The following PRKAR2A variants were observed in gnomAD, a reference collection of about 807,000 sequenced individuals.
PRKAR2A encodes the protein cAMP-dependent protein kinase type II-alpha regulatory subunit.
In PRKAR2A, 29 loss-of-function variants were observed where a neutral mutation model predicts 51.9. The observed-to-expected ratio is 0.56, with a 90% CI of 0.42 to 0.76. PRKAR2A has a LOEUF of 0.76. Among genes scored for constraint, PRKAR2A ranks in the 30% least tolerant of loss-of-function variants. PRKAR2A has a pLI of 0.00. For missense variants in PRKAR2A, 445 were observed against 512.1 expected (o/e 0.87, Z 1.26); for synonymous variants, 178 against 186.2 (o/e 0.96, Z 0.36).
intron 1 of PRKAR2A, among the ~76,000 whole-genome samples, chr3:48,821,018 C>T (rs1385916683): frequency 6.6e-6 from 1 of 152,202 alleles, no homozygotes; most frequent in African/African-American, 2.4e-5. Context: ...CCATGACCAT[C>T]TCCAATCACA....
chr3:48,788,181 C>T (rs1023874610), intron 4 of PRKAR2A, among the ~76,000 whole-genome samples: 2 of 152,106 alleles, frequency 1.3e-5, no homozygotes, highest in African/African-American at 4.8e-5. Flanking sequence ...CAGGTGCGCG[C>T]CACCACGCCC....
At chr3:48,782,899 G>A (rs2082223749) in intron 5 of PRKAR2A, 87 bp downstream of exon 5, 2 of 980,406 alleles carry the variant, frequency 2.0e-6, no homozygotes, top group Admixed American at 1.9e-5. Flanking sequence ...GCCTCTCTGG[G>A]CTGAATACAG....
intron 6 of PRKAR2A, among the ~76,000 whole-genome samples, 168 bp from the exon 7 acceptor site, chr3:48,765,517 C>G (rs2081928159): frequency 6.6e-6 from 1 of 152,000 alleles, no homozygotes; most frequent in Non-Finnish European, 1.5e-5. Flanking sequence ...GGACCTATAG[C>G]CTGAGCCAGC....
chr3:48,823,115 A>C (rs1237085453), intron 1 of PRKAR2A, among the ~76,000 whole-genome samples: 1 of 151,878 alleles, frequency 6.6e-6, no homozygotes, highest in Non-Finnish European at 1.5e-5. Flanking sequence ...CATGTTGTCC[A>C]GGCTGGTCTT....
intron 2 of PRKAR2A, among the ~76,000 whole-genome samples, chr3:48,799,063 T>C (rs2082543299): frequency 6.6e-6 from 1 of 152,210 alleles, no homozygotes; most frequent in Non-Finnish European, 1.5e-5. Flanking sequence ...TTACTTCCTT[T>C]ATTTTCTAGG....
At chr3:48,811,605 G>C (rs757163676) in intron 1 of PRKAR2A, among the ~76,000 whole-genome samples, 10 of 152,106 alleles carry the variant, frequency 6.6e-5, no homozygotes, top group Non-Finnish European at 1.3e-4. Context: ...ATCCAGAATA[G>C]TTAACCCATA....
intron 5 of PRKAR2A, among the ~76,000 whole-genome samples, chr3:48,778,601 C>T (rs2082140947): frequency 6.6e-6 from 1 of 152,112 alleles, no homozygotes; most frequent in Non-Finnish European, 1.5e-5. Flanking sequence ...CTCACTGCAA[C>T]CTCTGCCTCC....
In PRKAR2A at chr3:48,843,992, T is replaced by G. The variant is rs35838774; in HGVS notation, c.262+3343A>C. On this transcript the variant is annotated intron_variant, in intron 1 of 10. Transcript: ENST00000265563. ...AAAGCCAAAATTGACAAATGGGATC[T>G]AATTAAACTAAAGAGCTTCTGCACA... Among the ~76,000 whole-genome samples the G allele has an allele frequency of 2.9e-4, 43 of 149,316 alleles. No homozygotes were observed. The South Asian group carries it at 6.2e-3, about 22-fold the overall frequency.
intron 1 of PRKAR2A, among the ~76,000 whole-genome samples, chr3:48,810,178 T>C (rs959598178): frequency 6.6e-6 from 1 of 152,002 alleles, no homozygotes. Flanking sequence ...ACAATTCCAG[T>C]TCTAGGAATA....
chr3:48,834,726 G>GAAAAAAAAAAAAAAAAAAAAAAAA (rs567543851), intron 1 of PRKAR2A, among the ~76,000 whole-genome samples: 1 of 49,702 alleles, frequency 2.0e-5, no homozygotes. Flanking sequence ...CCTGTCTCAA[G>GAAAAAAAAAAAAAAAAAAAAAAAA]AAAAAAAAAA....
chr3:48,754,664 C>T (rs1389713522), intron 9 of PRKAR2A, among the ~76,000 whole-genome samples: 2 of 151,660 alleles, frequency 1.3e-5, no homozygotes, highest in Non-Finnish European at 2.9e-5. Flanking sequence ...GTCCCAGCTA[C>T]TTGCGAGGCT....
downstream of PRKAR2A, among the ~76,000 whole-genome samples, chr3:48,745,527 GTTTTT>G (rs34668049): frequency 1.1e-4 from 8 of 70,430 alleles, no homozygotes; most frequent in South Asian, 7.2e-4. Flanking sequence ...TTTGGATAAG[GTTTTT>G]TTTTTTTTTT....
intron 5 of PRKAR2A, among the ~76,000 whole-genome samples, chr3:48,782,150 C>T (rs575384410): frequency 1.8e-4 from 27 of 152,216 alleles, no homozygotes; most frequent in African/African-American, 4.8e-4. Flanking sequence ...ATCAGAAGGA[C>T]ACCCACCTCA....
At chr3:48,781,253 T>A (rs935492380) in intron 5 of PRKAR2A, among the ~76,000 whole-genome samples, 1 of 151,344 alleles carries the variant, frequency 6.6e-6, no homozygotes, top group African/African-American at 2.4e-5. Flanking sequence ...CCCAAAATGC[T>A]AGCATTACAG....
chr3:48,791,285 TAAAAAAAAAAA>T (rs35380085), intron 3 of PRKAR2A, among the ~76,000 whole-genome samples: 2 of 43,748 alleles, frequency 4.6e-5, no homozygotes, highest in African/African-American at 9.3e-5. Context: ...GATTCCATCT[TAAAAAAAAAAA>T]AAAAAAAAAA....
intron 6 of PRKAR2A, among the ~76,000 whole-genome samples, chr3:48,772,140 G>A (rs903762617): frequency 1.3e-5 from 2 of 152,082 alleles, no homozygotes; most frequent in African/African-American, 4.8e-5. Flanking sequence ...GCTCTATTAT[G>A]TCCATAGTTG....
chr3:48,838,139 C>CT (rs1442423483), intron 1 of PRKAR2A, among the ~76,000 whole-genome samples: 5 of 152,072 alleles, frequency 3.3e-5, no homozygotes, highest in Non-Finnish European at 1.5e-5. Context: ...GATCACGCCA[C>CT]TGCACTCCAG....
intron 1 of PRKAR2A, among the ~76,000 whole-genome samples, chr3:48,809,408 T>G (rs1436125926): frequency 1.3e-5 from 2 of 151,384 alleles, no homozygotes; most frequent in African/African-American, 4.9e-5. Flanking sequence ...CTGGCAAACA[T>G]GGTGAAACCC....
chr3:48,823,788 A>G (rs2107412196), intron 1 of PRKAR2A, among the ~76,000 whole-genome samples: 1 of 145,772 alleles, frequency 6.9e-6, no homozygotes, highest in East Asian at 2.0e-4. Flanking sequence ...CCCGTCTCCA[A>G]AAAAAAAAAA....
Sources: allele counts gnomAD v4.1 joint callset (sites outside exome capture counted in the v4.1 genomes callset), GRCh38; gene constraint gnomAD v4.1.1; transcripts MANE v1.5; gene names NCBI Gene and HGNC (gene_info 2026-07-23, HGNC 2026-07-21).